TNNI3K: variants seen among roughly 807,000 people sequenced by gnomAD.
The protein encoded by TNNI3K is serine/threonine-protein kinase TNNI3K.
A neutral mutation model predicts 114.5 loss-of-function variants in TNNI3K; 140 were observed. The ratio of observed to expected loss-of-function variants is 1.22; its 90% CI spans 1.07 to 1.41. The LOEUF (loss-of-function observed/expected upper bound fraction) is 1.41, where lower values mean the gene tolerates loss of function less well. Ranked by LOEUF, TNNI3K falls within the 40% of genes most tolerant of loss-of-function variation. The probability of loss-of-function intolerance (pLI) is 0.00; values close to 1 mark genes in which losing one functional copy is unlikely to be tolerated. For missense variants in TNNI3K, 1,125 were observed against 1,007.6 expected (o/e 1.12, Z -1.58); for synonymous variants, 347 against 347.5 (o/e 1.00, Z 0.02).
intron 22 of TNNI3K, 127 bp downstream of exon 22, chr1:74,489,375 C>T (rs1350943453): frequency 3.2e-5 from 29 of 905,078 alleles, no homozygotes; most frequent in East Asian, 8.3e-5. Context: ...TCCATATTTG[C>T]CCTATTCATT....
In TNNI3K at chr1:74,394,389, T is replaced by G. The variant is rs114102714; in HGVS notation, c.1772+23997T>G. On this transcript the variant is annotated intron_variant, in intron 17 of 24. Coordinates refer to ENST00000326637, the MANE Select transcript of TNNI3K (RefSeq NM_015978.3). ...TAAAGTGAATAACTCTTATAAATAA[T>G]TTTTATATTTTATTTACTATATGAA... 8.8e-3 allele frequency among the ~76,000 whole-genome samples: 1,337 copies of G among 152,244 alleles called. 17 individuals are homozygous for G. The highest frequency in any genetic ancestry group is 0.03 in the African/African-American group (1,245 of 41,534).
intron 4 of TNNI3K, among the ~76,000 whole-genome samples, chr1:74,270,029 T>A (rs1444336296): frequency 6.6e-6 from 1 of 151,834 alleles, no homozygotes. Flanking sequence ...ACACTGGATT[T>A]GATAGTTTAC....
At chr1:74,466,542 C>T (rs1292997258) in intron 21 of TNNI3K, among the ~76,000 whole-genome samples, 2 of 152,128 alleles carry the variant, frequency 1.3e-5, no homozygotes, top group Admixed American at 6.5e-5. Context: ...TTTGTCAGCA[C>T]GGAGTCTTTG....
intron 5 of TNNI3K, among the ~76,000 whole-genome samples, chr1:74,276,211 A>C (rs935301115): frequency 6.6e-6 from 1 of 152,120 alleles, no homozygotes; most frequent in African/African-American, 2.4e-5. Flanking sequence ...AGAAACATAC[A>C]AACGGCATTT....
chr1:74,490,240 A>T (rs191630228), intron 22 of TNNI3K, among the ~76,000 whole-genome samples: 3 of 152,278 alleles, frequency 2.0e-5, no homozygotes, highest in African/African-American at 7.2e-5. Context: ...CCCTTCTCTT[A>T]TTCAGTACTG....
At chr1:74,500,826 A>C (rs566156487) in intron 23 of TNNI3K, among the ~76,000 whole-genome samples, 4 of 151,916 alleles carry the variant, frequency 2.6e-5, no homozygotes, top group African/African-American at 4.8e-5. Flanking sequence ...TTGCTGTTAA[A>C]ATTTCATCTA....
chr1:74,294,424 G>A (rs905744068), intron 5 of TNNI3K, among the ~76,000 whole-genome samples: 4 of 152,080 alleles, frequency 2.6e-5, no homozygotes, highest in South Asian at 2.1e-4. Flanking sequence ...AGTGGTTTGT[G>A]GGAATCTGTT....
At chr1:74,343,842 G>A (rs1383972051) in intron 9 of TNNI3K, among the ~76,000 whole-genome samples, 1 of 152,158 alleles carries the variant, frequency 6.6e-6, no homozygotes, top group East Asian at 1.9e-4. Context: ...ATAAGTCAGA[G>A]CTATAGTTCC....
chr1:74,256,444 T>C (rs998235621), intron 4 of TNNI3K, among the ~76,000 whole-genome samples: 1 of 151,896 alleles, frequency 6.6e-6, no homozygotes. Flanking sequence ...GTAGTGTCTG[T>C]TAAATCTTTT....
At chr1:74,255,915 A>C (rs1208558428) in intron 4 of TNNI3K, among the ~76,000 whole-genome samples, 4 of 152,188 alleles carry the variant, frequency 2.6e-5, no homozygotes, top group African/African-American at 9.6e-5. Context: ...CACTTATCAT[A>C]AGGCTATTGG....
rs200593720 is a variant in TNNI3K, at chr1:74,353,288, A to G, written c.955A>G (p.Ile319Val). The G allele has an allele frequency of 6.2e-7, 1 of 1,613,646 alleles. No homozygotes were observed. The highest frequency in any genetic ancestry group is 1.3e-5 in the African/African-American group (1 of 74,798). ...CAGTGCTTGTACCTATGGCAAGAGC[A>G]TTGACCTAGTCAAATTTCTTCTTGA... The part of the protein sequence containing the change: ...FHSACTYGKS[I>V]DLVKFLLDQN... Residue 319 changes from isoleucine to valine, a missense_variant, in exon 10 of 25, where the codon ATT becomes GTT. By Grantham distance (29) the Ile-to-Val change is conservative. Coordinates refer to ENST00000326637, the MANE Select transcript of TNNI3K (RefSeq NM_015978.3).
chr1:74,531,834 C>A (rs563718579), intron 23 of TNNI3K, among the ~76,000 whole-genome samples: 1 of 152,272 alleles, frequency 6.6e-6, no homozygotes, highest in South Asian at 2.1e-4. Context: ...GATCCTTGTG[C>A]TAATATTATC....
chr1:74,394,844 A>G (rs993615716), intron 17 of TNNI3K, among the ~76,000 whole-genome samples: 2 of 152,080 alleles, frequency 1.3e-5, no homozygotes, highest in Non-Finnish European at 2.9e-5. Context: ...GGAGATCCAG[A>G]CCATCCTGGC....
intron 17 of TNNI3K, among the ~76,000 whole-genome samples, chr1:74,417,528 CCTT>C (rs1299532372): frequency 2.0e-5 from 3 of 152,070 alleles, no homozygotes; most frequent in Admixed American, 6.6e-5. Flanking sequence ...TATCTCTCAG[CCTT>C]CTTCTGCTGC....
At chr1:74,471,642 A>T (rs1048845046) in intron 21 of TNNI3K, 19 of 400,558 alleles carry the variant, frequency 4.7e-5, no homozygotes, top group African/African-American at 3.9e-4. Context: ...GTCGTTTCCA[A>T]GGGGTTGATA....
At chr1:74,482,398 A>G (rs927917798) in intron 21 of TNNI3K, among the ~76,000 whole-genome samples, 1 of 152,242 alleles carries the variant, frequency 6.6e-6, no homozygotes, top group Non-Finnish European at 1.5e-5. Flanking sequence ...TGATCAGGAA[A>G]AATAAATGTA....
chr1:74,314,705 G>A (rs570363), intron 5 of TNNI3K, among the ~76,000 whole-genome samples: 151,876 of 152,278 alleles, frequency 1, 75,739 homozygotes, highest in Non-Finnish European at 1. Context: ...AGTGATCAAA[G>A]TCATAATAAA....
At chr1:74,424,255 G>A (rs1665525136) in intron 17 of TNNI3K, among the ~76,000 whole-genome samples, 1 of 151,962 alleles carries the variant, frequency 6.6e-6, no homozygotes, top group Non-Finnish European at 1.5e-5. Context: ...GGCATTATGT[G>A]GTATGATATA....
chr1:74,363,334 A>C (rs556316950), intron 11 of TNNI3K, among the ~76,000 whole-genome samples: 1 of 151,950 alleles, frequency 6.6e-6, no homozygotes, highest in Admixed American at 6.6e-5. Context: ...TGAGGGGGGA[A>C]ATCAGGCAGA....
Sources: gnomAD v4.1 joint callset for allele counts (sites outside exome capture counted in the v4.1 genomes callset) on GRCh38, gnomAD v4.1.1 for gene constraint, MANE v1.5 for transcripts, NCBI Gene and HGNC (gene_info 2026-07-23, HGNC 2026-07-21) for gene names.